Variants in PCSK5 observed in about 807,000 individuals in gnomAD.
PCSK5 encodes the protein proprotein convertase subtilisin/kexin type 5.
A neutral mutation model predicts 233.2 loss-of-function variants in PCSK5; 129 were observed. The ratio of observed to expected loss-of-function variants is 0.55; its 90% confidence interval spans 0.48 to 0.64. The LOEUF is 0.64. Among genes scored for constraint, PCSK5 ranks in the 30% least tolerant of loss-of-function variants. The pLI is 0.00. For missense variants in PCSK5, 2,076 were observed against 2,430.1 expected, an observed-to-expected ratio of 0.85 and a Z score of 3.06; for synonymous variants, 825 against 879.2, an observed-to-expected ratio of 0.94 and a Z score of 1.09.
At chr9:76,340,979 C>T (rs919209865) in intron 35 of PCSK5, among the ~76,000 whole-genome samples, 4 of 151,320 alleles carry the variant, frequency 2.6e-5, no homozygotes, top group Non-Finnish European at 5.9e-5. Flanking sequence ...CTATGGAAGG[C>T]TGAGGTGGGA....
chr9:76,290,781 G>A (rs1189254443), intron 24 of PCSK5, among the ~76,000 whole-genome samples: 1 of 152,236 alleles, frequency 6.6e-6, no homozygotes, highest in African/African-American at 2.4e-5. Context: ...TGGTTATATA[G>A]CATGAAAGCA....
chr9:76,216,602 T>C (rs1825541761), intron 20 of PCSK5, among the ~76,000 whole-genome samples: 1 of 152,232 alleles, frequency 6.6e-6, no homozygotes. Flanking sequence ...TGGTTTAAGA[T>C]GCCCACAATT....
Position 76,184,750 on chromosome 9 carries a change from G to T in PCSK5, c.2275G>T (p.Gly759Trp). The change falls in exon 17 of 38, where the codon GGG becomes TGG. Residue 759 changes from glycine to tryptophan, a missense_variant. Physicochemically the swap from Gly to Trp is radical, Grantham distance 184 (BLOSUM62 -2). Around this residue, in one of 6 missense-constraint regions of PCSK5, gnomAD observed 1,510 missense variants for 1,538.1 expected, o/e 0.98. Coordinates refer to ENST00000674117, the MANE Select transcript of PCSK5 (RefSeq NM_001372043.1). ...CCATAACTGTACAGAATGTAGGGAT[G>T]GGTTAAGGTAAGAGAGTGAAGGATT... ...EFHNCTECRD[G>W]LSLQGSRCSV... The T allele has an allele frequency of 6.3e-7, 1 of 1,595,778 alleles. No homozygotes were observed. Among genetic ancestry groups the T allele is most frequent in the Non-Finnish European group, 8.6e-7 (1 of 1,164,488 alleles).
chr9:76,222,324 AT>A (rs201832805), intron 20 of PCSK5, among the ~76,000 whole-genome samples: 4 of 151,426 alleles, frequency 2.6e-5, no homozygotes, highest in South Asian at 2.1e-4. Context: ...TTGTGTAGAT[AT>A]TTTTTTAAAA....
At chr9:76,138,280 G>A (rs1016719192) in intron 10 of PCSK5, among the ~76,000 whole-genome samples, 2 of 152,030 alleles carry the variant, frequency 1.3e-5, no homozygotes, top group African/African-American at 4.8e-5. Flanking sequence ...TGTTAGATAA[G>A]TGTTGATGAT....
chr9:76,026,887 C>A lies in PCSK5; in HGVS notation c.556-74C>A, dbSNP rs979741721. On this transcript the variant is annotated intron_variant, in intron 4 of 37. Transcript: ENST00000674117. ...TCTGGCAGAAATGTATTTAAAAATGCATGAGCCTGTGGGTCATTGGCTAAT... is the reference window on the plus strand; with the variant it reads ...TCTGGCAGAAATGTATTTAAAAATGAATGAGCCTGTGGGTCATTGGCTAAT... The A allele has an allele frequency of 6.4e-6, 6 of 944,026 alleles. No individual in the cohort carries two copies. In the African/African-American group the frequency reaches 8.2e-5, roughly 13 times the overall value. 58.5% of individuals were successfully genotyped at this position (944,026 alleles called of 1,614,324 possible).
intron 33 of PCSK5, among the ~76,000 whole-genome samples, chr9:76,331,410 G>A (rs1415944212): frequency 6.6e-6 from 1 of 151,994 alleles, no homozygotes; most frequent in Non-Finnish European, 1.5e-5. Flanking sequence ...GCTCACGCCT[G>A]TAATCCCAGC....
chr9:76,358,965 T>C lies in PCSK5; in HGVS notation c.*43T>C, dbSNP rs764602046. On this transcript the variant is annotated 3_prime_UTR_variant, in exon 38 of 38. Transcript: ENST00000674117. ...AACACCACCATTCCACTCTCAGGCA[T>C]GCCTGTGAGCATCACTGTTTTTGGT... The C allele has an allele frequency of 2.2e-5, 35 of 1,566,612 alleles. No homozygotes were observed. In the African/African-American group the frequency reaches 3.9e-4, roughly 18 times the overall value.
At chr9:75,971,268 C>CT (rs1411214763) in intron 2 of PCSK5, among the ~76,000 whole-genome samples, 1 of 152,202 alleles carries the variant, frequency 6.6e-6, no homozygotes, top group Non-Finnish European at 1.5e-5. Context: ...TGATTTTGTT[C>CT]TTTTTTATGG....
chr9:75,975,949 G>T (rs1237943824), intron 2 of PCSK5, among the ~76,000 whole-genome samples: 1 of 152,114 alleles, frequency 6.6e-6, no homozygotes, highest in Non-Finnish European at 1.5e-5. Context: ...TGTTGTCCCA[G>T]TTCAATCTCT....
At chr9:76,279,800 A>T (rs1174359840) in intron 24 of PCSK5, among the ~76,000 whole-genome samples, 1 of 151,218 alleles carries the variant, frequency 6.6e-6, no homozygotes, top group Non-Finnish European at 1.5e-5. Context: ...TTCATTGTAG[A>T]TTCTGGATAT....
chr9:76,030,868 G>T (rs1476234377), intron 5 of PCSK5, among the ~76,000 whole-genome samples: 1 of 151,916 alleles, frequency 6.6e-6, no homozygotes, highest in East Asian at 1.9e-4. Flanking sequence ...GGTATTCTAG[G>T]GTGTCCTGCT....
intron 9 of PCSK5, among the ~76,000 whole-genome samples, chr9:76,128,212 G>A (rs1316852424): frequency 6.6e-6 from 1 of 152,126 alleles, no homozygotes; most frequent in African/African-American, 2.4e-5. Flanking sequence ...CACTCACACT[G>A]TCACATTTTG....
At chr9:76,168,035 A>T (rs1212442396) in intron 12 of PCSK5, among the ~76,000 whole-genome samples, 1 of 152,244 alleles carries the variant, frequency 6.6e-6, no homozygotes, top group Non-Finnish European at 1.5e-5. Context: ...CTATACAAAA[A>T]GGACTTGCCC....
At chr9:75,963,400 A>C (rs373084004) in intron 2 of PCSK5, among the ~76,000 whole-genome samples, 1 of 152,240 alleles carries the variant, frequency 6.6e-6, no homozygotes, top group Non-Finnish European at 1.5e-5. Context: ...ACTTGGAAGA[A>C]TAAGAATTAT....
At position 76,358,846 on chromosome 9, in the gene PCSK5, T is replaced by G; in HGVS notation, c.5588T>G (p.Phe1863Cys). Residue 1863 changes from phenylalanine to cysteine, a missense_variant, in exon 38 of 38, where the codon TTT (phenylalanine) becomes TGT (cysteine). Coordinates refer to ENST00000674117, the MANE Select transcript of PCSK5 (RefSeq NM_001372043.1). ...MGQDGTVYRK[F>C]KYGLLDDDDI... ...CAGGATGGCACAGTCTACCGGAAAT[T>G]TAAATATGGGCTGCTGGATGACGAT... 6.2e-7 allele frequency: 1 copy of G among 1,612,776 alleles called. No individual in the cohort carries two copies. Among genetic ancestry groups the G allele is most frequent in the South Asian group, 1.1e-5 (1 of 91,078 alleles).
chr9:76,240,104 A>C (rs1826382868), intron 23 of PCSK5, among the ~76,000 whole-genome samples: 1 of 152,208 alleles, frequency 6.6e-6, no homozygotes. Context: ...AATGCCACGG[A>C]CTGTTATTGC....
chr9:75,992,619 T>G (rs1315740794), intron 3 of PCSK5, among the ~76,000 whole-genome samples: 2 of 152,112 alleles, frequency 1.3e-5, no homozygotes, highest in Admixed American at 1.3e-4. Context: ...ACAATTTTTT[T>G]TCTGCCTCAC....
chr9:76,181,507 A>G lies in PCSK5; in HGVS notation c.2113A>G (p.Met705Val), dbSNP rs1410485312. 1.8e-5 allele frequency: 29 copies of G among 1,614,080 alleles called. No individual in the cohort carries two copies. Among genetic ancestry groups the G allele is most frequent in the Non-Finnish European group, 2.4e-5 (28 of 1,179,966 alleles). The change falls in exon 16 of 38, where the codon ATG becomes GTG. Residue 705 changes from methionine to valine, a missense_variant. Physicochemically the swap from Met to Val is conservative, Grantham distance 21. Around this residue, in one of 6 missense-constraint regions of PCSK5, gnomAD observed 1,510 missense variants for 1,538.1 expected, o/e 0.98. Coordinates refer to ENST00000674117, the MANE Select transcript of PCSK5 (RefSeq NM_001372043.1). ...SCFGSHGDQCMSCKYGYFLNE... is the reference protein window; with the variant it reads ...SCFGSHGDQCVSCKYGYFLNE... ...CTTTGGGAGCCATGGTGACCAATGC[A>G]TGTCCTGCAAATATGGATACTTTCT...
Sources: gnomAD v4.1 joint callset for allele counts (sites outside exome capture counted in the v4.1 genomes callset) on GRCh38, gnomAD v4.1.1 for gene constraint, gnomAD v4.1.1 regional missense constraint, MANE v1.5 for transcripts, NCBI Gene and HGNC (gene_info 2026-07-23, HGNC 2026-07-21) for gene names.